Variants in GPHN observed in about 807,000 individuals in gnomAD.
The protein encoded by GPHN is gephyrin.
In GPHN, 17 loss-of-function variants were observed where a neutral mutation model predicts 95.5. The ratio of observed to expected loss-of-function variants is 0.18; its 90% confidence interval spans 0.12 to 0.27. The LOEUF (loss-of-function observed/expected upper bound fraction) is 0.27, where lower values mean the gene tolerates loss of function less well. Ranked by LOEUF, GPHN falls within the 10% of genes least tolerant of loss-of-function variation. The probability of loss-of-function intolerance (pLI) is 1.00; values close to 1 mark genes in which losing one functional copy is unlikely to be tolerated. For missense variants in GPHN, 660 were observed against 978.1 expected (o/e 0.67, Z 4.34); for synonymous variants, 320 against 322.5 (o/e 0.99, Z 0.08).
the GPHN span, chr14:67,473,881 G>A: frequency 1.9e-6 from 3 of 1,610,950 alleles, no homozygotes; most frequent in East Asian, 6.7e-5. The surrounding 1 kb of genome is among the most constrained non-coding windows in gnomAD (Gnocchi z 6.5). Flanking sequence ...ATGGCATACA[G>A]GTACCAGCGG....
chr14:67,724,644 C>T, the GPHN span: 4 of 1,312,620 alleles, frequency 3.0e-6, no homozygotes, highest in Middle Eastern at 1.8e-4. Flanking sequence ...CCCTTCTTCC[C>T]ACTGGGGCCT....
chr14:67,295,667 C>T, the GPHN span, among the ~76,000 whole-genome samples: 1 of 152,208 alleles, frequency 6.6e-6, no homozygotes, highest in Non-Finnish European at 1.5e-5. Context: ...GATACAGTTA[C>T]ACTGACACCA....
At chr14:67,729,375 C>A in the GPHN span, 1 of 1,597,450 alleles carries the variant, frequency 6.3e-7, no homozygotes, top group Non-Finnish European at 8.5e-7. Context: ...GTGGCAAGTA[C>A]TTCAGGTGTG....
At chr14:67,512,540 G>A in the GPHN span, among the ~76,000 whole-genome samples, 1 of 152,180 alleles carries the variant, frequency 6.6e-6, no homozygotes, top group East Asian at 1.9e-4. Context: ...GGAGATGGGG[G>A]AGGAGAAAAG....
the GPHN span, among the ~76,000 whole-genome samples, chr14:67,341,015 G>C: frequency 6.6e-6 from 1 of 152,126 alleles, no homozygotes; most frequent in Non-Finnish European, 1.5e-5. Context: ...GCGTGATCTC[G>C]GCTCGCTACA....
intron 2 of GPHN, among the ~76,000 whole-genome samples, chr14:66,761,670 T>G (rs896742364): frequency 6.6e-6 from 1 of 151,504 alleles, no homozygotes; most frequent in Non-Finnish European, 1.5e-5. Flanking sequence ...TTTTTTTTTT[T>G]TTTTTTTGAG....
At chr14:67,087,887 A>G (rs1595083105) in intron 11 of GPHN, among the ~76,000 whole-genome samples, 1 of 151,844 alleles carries the variant, frequency 6.6e-6, no homozygotes, top group African/African-American at 2.4e-5. Flanking sequence ...TTTTAACCTC[A>G]TTTATTTTTG....
At chr14:66,832,637 G>A (rs1488503020) in intron 4 of GPHN, among the ~76,000 whole-genome samples, 2 of 151,820 alleles carry the variant, frequency 1.3e-5, no homozygotes, top group African/African-American at 4.8e-5. Context: ...TGTTTGGTAA[G>A]AACAGCATTC....
At chr14:66,910,897 C>A (rs933143602) in intron 5 of GPHN, among the ~76,000 whole-genome samples, 1 of 151,932 alleles carries the variant, frequency 6.6e-6, no homozygotes, top group Non-Finnish European at 1.5e-5. Context: ...AAGCTGTGCA[C>A]ATATGTAATA....
chr14:66,630,638 A>C (rs907965416), intron 1 of GPHN, among the ~76,000 whole-genome samples: 1 of 151,960 alleles, frequency 6.6e-6, no homozygotes, highest in Non-Finnish European at 1.5e-5. Context: ...CACCTGGCTA[A>C]TTTTTTGTAT....
chr14:67,673,197 T>C, the GPHN span, among the ~76,000 whole-genome samples: 1 of 152,026 alleles, frequency 6.6e-6, no homozygotes, highest in Non-Finnish European at 1.5e-5. Flanking sequence ...ACAAAAATAA[T>C]TAGCTAGGGG....
the GPHN span, among the ~76,000 whole-genome samples, chr14:67,701,398 A>C: frequency 9.3e-5 from 14 of 151,194 alleles, no homozygotes; most frequent in Admixed American, 5.9e-4. Flanking sequence ...ACATTTAAAA[A>C]AATTTTAAAG....
At chr14:67,535,370 CTTTTTTTTTTTTT>C in the GPHN span, among the ~76,000 whole-genome samples, 137 of 74,230 alleles carry the variant, frequency 1.8e-3, 1 homozygote, top group African/African-American at 5.4e-3. Context: ...GTGAGCACAT[CTTTTTTTTTTTTT>C]TTTTTTTTTT....
At chr14:66,639,073 G>A (rs955208641) in intron 1 of GPHN, among the ~76,000 whole-genome samples, 1 of 150,208 alleles carries the variant, frequency 6.7e-6, no homozygotes, top group Non-Finnish European at 1.5e-5. Flanking sequence ...ATGATTTCGT[G>A]CTCAGATTCA....
At chr14:67,647,548 T>A in the GPHN span, 56 of 155,862 alleles carry the variant, frequency 3.6e-4, no homozygotes, top group Middle Eastern at 3.3e-3. Flanking sequence ...ACTGGGGCTA[T>A]AATGAAGTTA....
At chr14:67,163,086 G>A (rs113184343) in intron 19 of GPHN, among the ~76,000 whole-genome samples, 73 of 152,182 alleles carry the variant, frequency 4.8e-4, no homozygotes, top group African/African-American at 1.5e-3. Flanking sequence ...CAGGAGGATC[G>A]CTTGAGCTCA....
chr14:67,233,035 A>C, the GPHN span, among the ~76,000 whole-genome samples: 1 of 152,198 alleles, frequency 6.6e-6, no homozygotes, highest in African/African-American at 2.4e-5. Context: ...AAAAAAAAGA[A>C]AACAGTATCT....
At chr14:67,115,744 A>T (rs1411788785) in intron 16 of GPHN, among the ~76,000 whole-genome samples, 3 of 152,134 alleles carry the variant, frequency 2.0e-5, no homozygotes, top group African/African-American at 7.2e-5. Context: ...CAAAAAAAAA[A>T]AAAAGATATA....
the GPHN span, among the ~76,000 whole-genome samples, chr14:67,287,651 T>C: frequency 6.6e-6 from 1 of 152,218 alleles, no homozygotes; most frequent in South Asian, 2.1e-4. Flanking sequence ...GCAGTATGTG[T>C]CAAAGTGTTA....
Sources: gnomAD v4.1 joint callset for allele counts (sites outside exome capture counted in the v4.1 genomes callset) on GRCh38, gnomAD v4.1.1 for gene constraint, Gnocchi (gnomAD v3.1) non-coding constraint, MANE v1.5 for transcripts, NCBI Gene and HGNC (gene_info 2026-07-23, HGNC 2026-07-21) for gene names.